The following DLC1 variants were observed in gnomAD, a reference collection of about 807,000 sequenced individuals.
The protein encoded by DLC1 is DLC1 Rho GTPase activating protein, also known as rho GTPase-activating protein 7.
In DLC1, 54 loss-of-function variants were observed where a neutral mutation model predicts 140.3. The ratio of observed to expected loss-of-function variants is 0.38; its 90% CI spans 0.31 to 0.48. The LOEUF is 0.48. Among genes scored for constraint, DLC1 ranks in the 20% least tolerant of loss-of-function variants. The probability of loss-of-function intolerance (pLI) is 0.96; values close to 1 mark genes in which losing one functional copy is unlikely to be tolerated. For synonymous variants in DLC1, 986 were observed against 728.1 expected (o/e 1.35, Z -5.70); for missense variants, 2,536 against 1,907.0 (o/e 1.33, Z -6.14).
At chr8:13,594,448 C>A (rs1292681786) in intron 1 of DLC1, among the ~76,000 whole-genome samples, 2 of 152,204 alleles carry the variant, frequency 1.3e-5, no homozygotes, top group South Asian at 2.1e-4. Flanking sequence ...TATCTATCCT[C>A]ATTTTATTGG....
chr8:13,270,679 TTCTCTCCAGAGATACAGAAA>T (rs1830894698), intron 5 of DLC1, among the ~76,000 whole-genome samples: 2 of 152,228 alleles, frequency 1.3e-5, no homozygotes, highest in African/African-American at 4.8e-5. Context: ...CCTTCTTTGT[TTCTCTCCAGAGATACAGAAA>T]TCTATTCCAT....
intron 2 of DLC1, among the ~76,000 whole-genome samples, chr8:13,442,947 A>G (rs1295969041): frequency 6.6e-6 from 1 of 152,198 alleles, no homozygotes; most frequent in Non-Finnish European, 1.5e-5. Context: ...AAGACTTGGA[A>G]CCAACCCAAA....
intron 5 of DLC1, among the ~76,000 whole-genome samples, chr8:13,186,327 C>G (rs760557354): frequency 6.6e-6 from 1 of 152,184 alleles, no homozygotes; most frequent in Non-Finnish European, 1.5e-5. Context: ...TCTCATATTT[C>G]TTGGAGGCTT....
At chr8:13,338,239 G>GA (rs1833888399) in intron 4 of DLC1, among the ~76,000 whole-genome samples, 1 of 152,110 alleles carries the variant, frequency 6.6e-6, no homozygotes, top group African/African-American at 2.4e-5. Context: ...AGGTTTGTGG[G>GA]AAAATCAAGT....
At chr8:13,156,798 T>G (rs532957749) in intron 5 of DLC1, among the ~76,000 whole-genome samples, 9 of 152,350 alleles carry the variant, frequency 5.9e-5, no homozygotes, top group Admixed American at 2.0e-4. Flanking sequence ...GCCTAATAAC[T>G]ACTAGATTTA....
chr8:13,315,571 T>C (rs752575485), intron 4 of DLC1, among the ~76,000 whole-genome samples: 11 of 152,232 alleles, frequency 7.2e-5, no homozygotes, highest in Non-Finnish European at 1.2e-4. Context: ...TTCAATTGCC[T>C]GCGTTTGATA....
chr8:13,188,955 C>G (rs1414151934), intron 5 of DLC1, among the ~76,000 whole-genome samples: 1 of 147,422 alleles, frequency 6.8e-6, no homozygotes, highest in Non-Finnish European at 1.5e-5. Flanking sequence ...TCCCAAAGTG[C>G]TGGTATTACA....
chr8:13,407,783 A>T (rs1837630558), intron 2 of DLC1, among the ~76,000 whole-genome samples: 1 of 152,162 alleles, frequency 6.6e-6, no homozygotes, highest in Non-Finnish European at 1.5e-5. Context: ...TGGACTGCTA[A>T]TACTCCTCAC....
intron 2 of DLC1, among the ~76,000 whole-genome samples, chr8:13,490,275 A>G (rs1219172288): frequency 6.6e-6 from 1 of 152,258 alleles, no homozygotes; most frequent in Non-Finnish European, 1.5e-5. Flanking sequence ...AGGTTCGTTA[A>G]TCACTAGTTT....
chr8:13,157,630 A>G (rs1459894599), intron 5 of DLC1, among the ~76,000 whole-genome samples: 1 of 152,170 alleles, frequency 6.6e-6, no homozygotes, highest in Non-Finnish European at 1.5e-5. Context: ...AAATAACTAT[A>G]TTGTCGGGGC....
intron 4 of DLC1, among the ~76,000 whole-genome samples, chr8:13,377,145 A>G (rs1469065563): frequency 1.3e-5 from 2 of 152,140 alleles, no homozygotes; most frequent in African/African-American, 2.4e-5. Context: ...GTATCCACTC[A>G]GTTGTGAATT....
At chr8:13,249,720 A>T (rs7005807) in intron 5 of DLC1, among the ~76,000 whole-genome samples, 35,628 of 152,126 alleles carry the variant, frequency 0.23, 4,343 homozygotes, top group South Asian at 0.34. Flanking sequence ...ATCCTGATTA[A>T]GAAACAACCC....
chr8:13,405,034 T>G (rs771821500), intron 2 of DLC1, among the ~76,000 whole-genome samples: 2 of 151,870 alleles, frequency 1.3e-5, no homozygotes, highest in African/African-American at 4.8e-5. Flanking sequence ...AAATTTTGTG[T>G]ACTTCTGGAG....
At chr8:13,572,087 TATTA>T (rs1804672671) in intron 1 of DLC1, among the ~76,000 whole-genome samples, 1 of 65,798 alleles carries the variant, frequency 1.5e-5, no homozygotes, top group Non-Finnish European at 3.2e-5. Flanking sequence ...TTATTATTAT[TATTA>T]TTTATTTTTT....
chr8:13,148,136 T>C (rs930577960), intron 5 of DLC1, among the ~76,000 whole-genome samples: 5 of 152,156 alleles, frequency 3.3e-5, no homozygotes, highest in East Asian at 3.9e-4. Flanking sequence ...TTTTTAATTT[T>C]AGGTCTGGGG....
At chr8:13,451,176 C>G (rs1799039454) in intron 2 of DLC1, among the ~76,000 whole-genome samples, 1 of 151,348 alleles carries the variant, frequency 6.6e-6, no homozygotes, top group Non-Finnish European at 1.5e-5. Flanking sequence ...GGTCTTTTGC[C>G]TGGCTTAGAC....
chr8:13,558,997 C>G (rs1345760219), intron 1 of DLC1: 3 of 152,196 alleles, frequency 2.0e-5, no homozygotes, highest in Non-Finnish European at 4.4e-5. Context: ...GGTTTTATGA[C>G]TTAGACCTAC....
intron 1 of DLC1, among the ~76,000 whole-genome samples, chr8:13,600,887 C>G (rs1266730296): frequency 6.6e-6 from 1 of 151,774 alleles, no homozygotes; most frequent in Non-Finnish European, 1.5e-5. Flanking sequence ...TCATTTACTA[C>G]TTCAAATGGC....
chr8:13,276,633 C>A, intron 5 of DLC1: 1 of 1,201,346 alleles, frequency 8.3e-7, no homozygotes. Flanking sequence ...CCTCGCGGGG[C>A]GCGCGAGCTG....
Sources: gnomAD v4.1 joint callset for allele counts (sites outside exome capture counted in the v4.1 genomes callset) on GRCh38, gnomAD v4.1.1 for gene constraint, MANE v1.5 for transcripts, NCBI Gene and HGNC (gene_info 2026-07-23, HGNC 2026-07-21) for gene names.